KCNN4: variants seen among roughly 807,000 people sequenced by gnomAD.
KCNN4 encodes the protein intermediate conductance calcium-activated potassium channel protein 4.
In KCNN4, 31 loss-of-function variants were observed where a neutral mutation model predicts 45.2. The ratio of observed to expected loss-of-function variants is 0.69; its 90% confidence interval spans 0.52 to 0.92. The LOEUF (loss-of-function observed/expected upper bound fraction) is 0.92. Ranked by LOEUF, KCNN4 falls within the 40% of genes least tolerant of loss-of-function variation. KCNN4 has a pLI of 0.00. For missense variants in KCNN4, 463 were observed against 574.0 expected (o/e 0.81, Z 1.98); for synonymous variants, 231 against 254.6 (o/e 0.91, Z 0.88).
intron 1 of KCNN4, among the ~76,000 whole-genome samples, chr19:43,777,234 G>A (rs1393919375): frequency 6.6e-6 from 1 of 151,868 alleles, no homozygotes; most frequent in Non-Finnish European, 1.5e-5. Flanking sequence ...ACCCATGAAG[G>A]GGGACCTTGA....
At chr19:43,779,754 A>G (rs1292393143) in intron 1 of KCNN4, among the ~76,000 whole-genome samples, 1 of 151,818 alleles carries the variant, frequency 6.6e-6, no homozygotes, top group Non-Finnish European at 1.5e-5. Flanking sequence ...CTCTTCCCCA[A>G]AAGCAATCAA....
intron 8 of KCNN4, 200 bp from the exon 9 acceptor site, chr19:43,767,289 CAGAG>C (rs141346629): frequency 1.1e-3 from 536 of 471,854 alleles, no homozygotes; most frequent in South Asian, 2.1e-3. Context: ...CCAGGACAGG[CAGAG>C]AGAGAGAGAG....
chr19:43,772,167 C>T lies in KCNN4; in HGVS notation c.684-32G>A. 1 of 1,609,992 alleles carries T rather than the reference C, an allele frequency of 6.2e-7. No homozygotes were observed. Among genetic ancestry groups the T allele is most frequent in the Non-Finnish European group, 8.5e-7 (1 of 1,178,572 alleles). ...GGAAGGGTAGGTTAGTTCTAAAACC[C>T]CACCATAGAGGTTTCCATGATATTC... On this transcript the variant is annotated intron_variant, in intron 3 of 8. Coordinates refer to ENST00000648319, the MANE Select transcript of KCNN4 (RefSeq NM_002250.3). This position sits in a 1 kb window ranked among gnomAD's most constrained non-coding sequence, Gnocchi z 4.4.
Position 43,769,812 on chromosome 19 carries a change from G to C in KCNN4, c.837C>G (p.Ala279=). Residue 279 remains alanine, a synonymous_variant, in exon 5 of 9, where the codon GCC becomes GCG. Transcript: ENST00000648319. The surrounding 1 kb of genome is among the most constrained non-coding windows in gnomAD (Gnocchi z 4.4). ...TCCGGGCCACCACGGCCACCAGCAG[G>C]GCTGTGCAGCAGACACCCTGTGGGC... ...CTGVMGVCCT[A]LLVAVVARKL... The C allele has an allele frequency of 6.2e-7, 1 of 1,612,800 alleles. No individual in the cohort carries two copies. Among genetic ancestry groups the C allele is most frequent in the Non-Finnish European group, 8.5e-7 (1 of 1,179,700 alleles).
Position 43,774,625 on chromosome 19 carries a change from G to A in KCNN4, c.256-6C>T. 6.7e-7 allele frequency: 1 copy of A among 1,492,770 alleles called. No individual in the cohort carries two copies. The highest frequency in any genetic ancestry group is 8.8e-7 in the Non-Finnish European group (1 of 1,130,384). 92.5% of individuals were successfully genotyped at this position (1,492,770 alleles called of 1,614,324 possible). ...CCGTTGTCGGTCATGAACAGCTGCC[G>A]GTAGGGGGCCAAGAAGGGAGGGGTC... is the stretch of plus-strand genomic sequence containing the variant. On this transcript the variant is annotated splice_polypyrimidine_tract_variant and splice_region_variant and intron_variant, in intron 2 of 8. Transcript: ENST00000648319. This position sits in a 1 kb window ranked among gnomAD's most constrained non-coding sequence, Gnocchi z 5.6.
intron 1 of KCNN4, among the ~76,000 whole-genome samples, chr19:43,779,680 A>G (rs1969916293): frequency 6.6e-6 from 1 of 151,996 alleles, no homozygotes; most frequent in African/African-American, 2.4e-5. Context: ...GAGCCTGCTG[A>G]GACCTGCCCT....
chr19:43,773,166 G>A (rs1292471972), intron 3 of KCNN4, among the ~76,000 whole-genome samples: 3 of 152,350 alleles, frequency 2.0e-5, no homozygotes, highest in Admixed American at 1.3e-4. Context: ...GCATGGTGGT[G>A]CACATCCGTA....
rs574584547 is a variant in KCNN4 at position 43,780,923 on chromosome 19, C to T, written c.-62G>A. ...CCAGGGTCCCCCACCTCGCAGCACG[C>T]ACAGGGCAGCCACTGTGGCTTGCAG... On this transcript the variant is annotated 5_prime_UTR_variant, in exon 1 of 9. Coordinates refer to ENST00000648319, the MANE Select transcript of KCNN4 (RefSeq NM_002250.3). The T allele has an allele frequency of 1.5e-5, 23 of 1,554,146 alleles. No individual in the cohort carries two copies. The highest frequency in any genetic ancestry group is 1.8e-6 in the Non-Finnish European group (2 of 1,134,550).
At chr19:43,767,747 T>C in intron 7 of KCNN4, 40 bp from the exon 8 acceptor site, 1 of 1,611,440 alleles carries the variant, frequency 6.2e-7, no homozygotes, top group Non-Finnish European at 8.5e-7. Flanking sequence ...GGGGCTGGGG[T>C]CGACCCCCAC....
chr19:43,767,611 G>A lies in KCNN4; in HGVS notation c.1216C>T (p.Leu406=), dbSNP rs1289737563. ...IDTLAGKLDA[L]TELLSTALGP... ...AGGGCAGTGCTAAGCAGCTCAGTCA[G>A]GGCATCCAGCTTCCCCGCCAGCGTG... Residue 406 remains leucine, a synonymous_variant, in exon 8 of 9, where the codon CTG becomes TTG. Transcript: ENST00000648319. The A allele has an allele frequency of 2.5e-6, 4 of 1,614,164 alleles. No individual in the cohort carries two copies. Among genetic ancestry groups the A allele is most frequent in the Non-Finnish European group, 3.4e-6 (4 of 1,180,044 alleles).
In KCNN4 at chr19:43,776,630, G is replaced by C; in HGVS notation, c.166C>G (p.Leu56Val). The change falls in exon 2 of 9, where the codon CTC becomes GTC. Residue 56 changes from leucine to valine, a missense_variant. Transcript: ENST00000648319. ...GTGCATTTAACCAGGAACAGGTAGA[G>C]CGCCCACTGTCAGGGGGGACGGAAA... is the stretch of plus-strand genomic sequence containing the variant. ...MLWFGGCSWA[L>V]YLFLVKCTIS... The C allele has an allele frequency of 6.2e-7, 1 of 1,611,608 alleles. No individual in the cohort carries two copies. Among genetic ancestry groups the C allele is most frequent in the Non-Finnish European group, 8.5e-7 (1 of 1,177,676 alleles).
intron 7 of KCNN4, among the ~76,000 whole-genome samples, chr19:43,768,131 G>A (rs1269244641): frequency 6.6e-6 from 1 of 152,224 alleles, no homozygotes; most frequent in Non-Finnish European, 1.5e-5. Flanking sequence ...CTGAGGGTTT[G>A]TGGATTTTCT....
chr19:43,769,093 A>C lies in KCNN4; in HGVS notation c.1050-61T>G. On this transcript the variant is annotated intron_variant, in intron 6 of 8. Coordinates refer to ENST00000648319, the MANE Select transcript of KCNN4 (RefSeq NM_002250.3). The surrounding 1 kb of genome is among the most constrained non-coding windows in gnomAD (Gnocchi z 4.4). ...TGGTCCCTGAATGTAGCTGTAGCTC[A>C]GGGGAGGAATGAAGGGAGGAGAGGC... The C allele has an allele frequency of 1.1e-4, 177 of 1,546,488 alleles. No homozygotes were observed. The highest frequency in any genetic ancestry group is 1.4e-4 in the Non-Finnish European group (160 of 1,118,336).
rs1203616629 is a variant in KCNN4, at chr19:43,772,405, C to T, written c.684-270G>A. Among the ~76,000 whole-genome samples, 5 of 152,144 alleles carry T rather than the reference C, an allele frequency of 3.3e-5. No individual in the cohort carries two copies. Among genetic ancestry groups the T allele is most frequent in the Non-Finnish European group, 5.9e-5 (4 of 68,042 alleles). On this transcript the variant is annotated intron_variant, in intron 3 of 8. Coordinates refer to ENST00000648319, the MANE Select transcript of KCNN4 (RefSeq NM_002250.3). This position sits in a 1 kb window ranked among gnomAD's most constrained non-coding sequence, Gnocchi z 4.4. ...GACTGGGTCTGGCCAATCCCAATGC[C>T]GGTATGGTCTCAGCTAGGCTACCCG... is the stretch of plus-strand genomic sequence containing the variant.
rs369395555 is a variant in KCNN4, at chr19:43,769,026, G to A, written c.1056C>T (p.Arg352=). The stretch of plus-strand genomic sequence containing the variant: ...GCTTCCGGTGTTTCAGCCGCACCTG[G>A]CGGAACCTGTGGGAAGAAGTGGGGA... The part of the protein sequence containing the change: ...RKLLAAINAF[R]QVRLKHRKLR... Residue 352 remains arginine, a synonymous_variant, in exon 7 of 9, where the codon CGC becomes CGT. Coordinates refer to ENST00000648319, the MANE Select transcript of KCNN4 (RefSeq NM_002250.3). This position sits in a 1 kb window ranked among gnomAD's most constrained non-coding sequence, Gnocchi z 4.4. The A allele has an allele frequency of 1.2e-6, 2 of 1,613,978 alleles. No homozygotes were observed. Among genetic ancestry groups the A allele is most frequent in the African/African-American group, 2.7e-5 (2 of 74,918 alleles).
rs1969810880 is a variant in KCNN4 at position 43,776,539 on chromosome 19, A to C, written c.255+2T>G. On this transcript the variant is annotated splice_donor_variant, in intron 2 of 8. Transcript: ENST00000648319. LOFTEE classifies it high-confidence loss of function. ...AAGGCTTAGGGGCGGGGCCTGCCCT[A>C]CCTGGACCTCTTTGGCATGAAAGGC... The C allele has an allele frequency of 6.2e-7, 1 of 1,607,136 alleles. No homozygotes were observed. Among genetic ancestry groups the C allele is most frequent in the Non-Finnish European group, 8.5e-7 (1 of 1,174,260 alleles).
Position 43,768,961 on chromosome 19 carries a change from A to G in KCNN4, c.1119+2T>C. On this transcript the variant is annotated splice_donor_variant, in intron 7 of 8. Coordinates refer to ENST00000648319, the MANE Select transcript of KCNN4 (RefSeq NM_002250.3). LOFTEE classifies it high-confidence loss of function. ...AGACCTCCTCCCACGGGATCCTAGTACCTTGGAGATGTCCACCATGGAGTT... is the reference window on the plus strand; with the variant it reads ...AGACCTCCTCCCACGGGATCCTAGTGCCTTGGAGATGTCCACCATGGAGTT... 6.2e-7 allele frequency: 1 copy of G among 1,613,870 alleles called. No individual in the cohort carries two copies. The highest frequency in any genetic ancestry group is 8.5e-7 in the Non-Finnish European group (1 of 1,179,870).
Position 43,769,092 on chromosome 19 carries a change from C to G in KCNN4, c.1050-60G>C. On this transcript the variant is annotated intron_variant, in intron 6 of 8. Transcript: ENST00000648319. This position sits in a 1 kb window ranked among gnomAD's most constrained non-coding sequence, Gnocchi z 4.4. ...CTGGTCCCTGAATGTAGCTGTAGCT[C>G]AGGGGAGGAATGAAGGGAGGAGAGG... 1 of 1,553,368 alleles carries G rather than the reference C, an allele frequency of 6.4e-7. No homozygotes were observed.
Position 43,769,967 on chromosome 19 carries a change from T to A in KCNN4, c.820-138A>T, listed in dbSNP as rs1006986433. The A allele has an allele frequency of 1.6e-6, 1 of 635,586 alleles. No homozygotes were observed. The highest frequency in any genetic ancestry group is 2.8e-6 in the Non-Finnish European group (1 of 358,306). The allele number at this position is 635,586 out of a possible 1,614,324, so 39.4% of individuals were successfully genotyped here. A position where few individuals can be genotyped will look rare whatever the true frequency, so the allele number is the denominator to read the frequency against. ...AGAGGCTCAGAGAGGAGAGCCAAGG[T>A]CCCAGCTCAGAGCGGTGGAGCTAGA... On this transcript the variant is annotated intron_variant, in intron 4 of 8. Coordinates refer to ENST00000648319, the MANE Select transcript of KCNN4 (RefSeq NM_002250.3). This position sits in a 1 kb window ranked among gnomAD's most constrained non-coding sequence, Gnocchi z 4.4.
Sources: allele counts gnomAD v4.1 joint callset (sites outside exome capture counted in the v4.1 genomes callset), GRCh38; gene constraint gnomAD v4.1.1; non-coding constraint Gnocchi (gnomAD v3.1); transcripts MANE v1.5; gene names NCBI Gene and HGNC (gene_info 2026-07-23, HGNC 2026-07-21).